Variants in HNF4G observed in about 807,000 individuals in gnomAD.
The protein encoded by HNF4G is hepatocyte nuclear factor 4 gamma.
HNF4G carries 21 observed loss-of-function variants against 50.9 expected under a neutral mutation model. The observed-to-expected ratio is 0.41, with a 90% CI of 0.29 to 0.59. The LOEUF (loss-of-function observed/expected upper bound fraction) is 0.59. HNF4G is among the 20% of genes least tolerant of loss of function. The pLI is 0.26. For missense variants in HNF4G, 527 were observed against 559.4 expected (o/e 0.94, Z 0.58); for synonymous variants, 198 against 185.6 (o/e 1.07, Z -0.54).
upstream of HNF4G, among the ~76,000 whole-genome samples, chr8:75,407,682 A>G (rs1305637456): frequency 2.0e-5 from 3 of 152,220 alleles, no homozygotes; most frequent in Non-Finnish European, 4.4e-5. Flanking sequence ...GCCATTGAGC[A>G]AAGCTAATAT....
intron 1 of HNF4G, among the ~76,000 whole-genome samples, chr8:75,485,334 A>G (rs1032285445): frequency 1.3e-5 from 2 of 152,220 alleles, no homozygotes; most frequent in African/African-American, 4.8e-5. Context: ...GTTTCCACTC[A>G]TCAAAAGAGA....
intron 2 of HNF4G, among the ~76,000 whole-genome samples, chr8:75,507,917 G>T (rs1805638092): frequency 6.6e-6 from 1 of 151,910 alleles, no homozygotes; most frequent in Non-Finnish European, 1.5e-5. Context: ...AAAATATGTG[G>T]AGAATTTAAG....
At chr8:75,454,062 CCTCTCTTCCTTT>C (rs1811656648) in intron 1 of HNF4G, among the ~76,000 whole-genome samples, 2 of 143,226 alleles carry the variant, frequency 1.4e-5, no homozygotes, top group African/African-American at 5.3e-5. Context: ...TCCCTCCCTC[CCTCTCTTCCTTT>C]CTCCCTCCCT....
At chr8:75,425,781 A>G (rs1463564608) in intron 1 of HNF4G, among the ~76,000 whole-genome samples, 1 of 151,796 alleles carries the variant, frequency 6.6e-6, no homozygotes, top group Non-Finnish European at 1.5e-5. Flanking sequence ...GCCACAAATA[A>G]TTTACCAAAT....
At chr8:75,558,163 T>G (rs1308948194) in intron 6 of HNF4G, among the ~76,000 whole-genome samples, 1 of 152,226 alleles carries the variant, frequency 6.6e-6, no homozygotes, top group Non-Finnish European at 1.5e-5. Flanking sequence ...CTTTAGGGTT[T>G]GTATTGTAGT....
chr8:75,415,639 C>T (rs898976329), intron 1 of HNF4G, among the ~76,000 whole-genome samples: 3 of 152,144 alleles, frequency 2.0e-5, no homozygotes, highest in South Asian at 4.1e-4. Context: ...TACAGTGTTT[C>T]CCCCTGGATC....
At chr8:75,464,070 G>A (rs1003247179) in intron 1 of HNF4G, among the ~76,000 whole-genome samples, 2 of 151,860 alleles carry the variant, frequency 1.3e-5, no homozygotes, top group East Asian at 1.9e-4. Flanking sequence ...CACCGTGCCC[G>A]GACACATTGA....
intron 1 of HNF4G, among the ~76,000 whole-genome samples, chr8:75,461,511 C>T (rs1226282295): frequency 1.3e-5 from 2 of 152,170 alleles, no homozygotes; most frequent in Admixed American, 6.6e-5. Flanking sequence ...CCCTTAATCA[C>T]ATCTGCAAAG....
chr8:75,555,334 A>G (rs1807082871), intron 5 of HNF4G, among the ~76,000 whole-genome samples: 1 of 152,162 alleles, frequency 6.6e-6, no homozygotes, highest in African/African-American at 2.4e-5. Flanking sequence ...GGTAGGTGTT[A>G]AATTTGTAAT....
At chr8:75,556,975 A>C (rs1052411035) in intron 6 of HNF4G, among the ~76,000 whole-genome samples, 1 of 152,196 alleles carries the variant, frequency 6.6e-6, no homozygotes, top group Non-Finnish European at 1.5e-5. Flanking sequence ...AAATGGAGAC[A>C]GAGAAAGTTT....
At chr8:75,420,101 A>G (rs1196222155) in intron 1 of HNF4G, among the ~76,000 whole-genome samples, 2 of 152,166 alleles carry the variant, frequency 1.3e-5, no homozygotes, top group Non-Finnish European at 2.9e-5. Context: ...TTAAATCAAA[A>G]GCCAGGAGTC....
chr8:75,523,578 C>T (rs756845276), intron 2 of HNF4G, among the ~76,000 whole-genome samples: 1 of 152,058 alleles, frequency 6.6e-6, no homozygotes, highest in Non-Finnish European at 1.5e-5. Flanking sequence ...CTATGTGAGT[C>T]ATTTTAGTGT....
At chr8:75,545,223 G>A (rs1441188704) in intron 2 of HNF4G, among the ~76,000 whole-genome samples, 3 of 144,000 alleles carry the variant, frequency 2.1e-5, no homozygotes, top group Non-Finnish European at 4.5e-5. Context: ...GGAGTCAGGT[G>A]CTCTGTTAAA....
intron 1 of HNF4G, among the ~76,000 whole-genome samples, chr8:75,445,572 A>G (rs1178197764): frequency 1.5e-5 from 1 of 65,390 alleles, no homozygotes; most frequent in Non-Finnish European, 2.7e-5. Flanking sequence ...AATCAAATAG[A>G]CACAATAAAA....
intron 2 of HNF4G, among the ~76,000 whole-genome samples, chr8:75,531,751 T>C (rs1230525615): frequency 6.6e-6 from 1 of 152,068 alleles, no homozygotes; most frequent in Non-Finnish European, 1.5e-5. Flanking sequence ...ACTCTAAAGA[T>C]AATTTGAAGT....
chr8:75,496,469 G>A (rs75038957), intron 2 of HNF4G, among the ~76,000 whole-genome samples: 15,090 of 151,788 alleles, frequency 0.099, 877 homozygotes, highest in Non-Finnish European at 0.12. Context: ...TCACTCAAAA[G>A]CTTGACGTTA....
chr8:75,459,044 C>T (rs1486669317), intron 1 of HNF4G, among the ~76,000 whole-genome samples: 2 of 152,054 alleles, frequency 1.3e-5, no homozygotes, highest in Admixed American at 6.6e-5. Flanking sequence ...ATTTTTCCCA[C>T]TATTTTTTAT....
chr8:75,544,926 T>A (rs572683350), intron 2 of HNF4G, among the ~76,000 whole-genome samples: 1 of 152,238 alleles, frequency 6.6e-6, no homozygotes, highest in East Asian at 1.9e-4. Flanking sequence ...TAGGGTGCAA[T>A]ACAAGTTAAT....
At chr8:75,500,478 CAT>C (rs1812899005) in intron 2 of HNF4G, among the ~76,000 whole-genome samples, 1 of 152,144 alleles carries the variant, frequency 6.6e-6, no homozygotes, top group East Asian at 1.9e-4. Flanking sequence ...TAAAGACAAA[CAT>C]AGAGTTACCA....
Sources: allele counts gnomAD v4.1 joint callset (sites outside exome capture counted in the v4.1 genomes callset), GRCh38; gene constraint gnomAD v4.1.1; transcripts MANE v1.5; gene names NCBI Gene and HGNC (gene_info 2026-07-23, HGNC 2026-07-21).